DPP6: variants seen among roughly 807,000 people sequenced by gnomAD.
DPP6 encodes the protein A-type potassium channel modulatory protein DPP6.
DPP6 carries 69 observed loss-of-function variants against 122.6 expected under a neutral mutation model. The observed-to-expected ratio is 0.56, with a 90% CI of 0.46 to 0.69. The LOEUF (loss-of-function observed/expected upper bound fraction) is 0.69, where lower values mean the gene tolerates loss of function less well. Among genes scored for constraint, DPP6 ranks in the 30% least tolerant of loss-of-function variants. The pLI, the probability that DPP6 is intolerant of heterozygous loss-of-function variation, is 0.00. For missense variants in DPP6, 928 were observed against 1,116.9 expected, an observed-to-expected ratio of 0.83 and a Z score of 2.41; for synonymous variants, 418 against 433.1, an observed-to-expected ratio of 0.97 and a Z score of 0.43.
At chr7:154,720,510 C>T (rs1841743331) in intron 7 of DPP6, among the ~76,000 whole-genome samples, 1 of 152,210 alleles carries the variant, frequency 6.6e-6, no homozygotes, top group Admixed American at 6.5e-5. Flanking sequence ...GCAGAGAGTA[C>T]ATGCCCTGCT....
upstream of DPP6, among the ~76,000 whole-genome samples, chr7:154,051,450 G>T (rs59213906): frequency 6.6e-6 from 1 of 150,998 alleles, no homozygotes; most frequent in South Asian, 2.1e-4. Context: ...CGGGAGGGCC[G>T]GGAGGGGAAG....
At chr7:154,086,575 A>G (rs2150539605) in intron 1 of DPP6, among the ~76,000 whole-genome samples, 1 of 150,056 alleles carries the variant, frequency 6.7e-6, no homozygotes, top group East Asian at 2.0e-4. Flanking sequence ...TGCTAGGCAC[A>G]GTTCTGCAGA....
intron 1 of DPP6, among the ~76,000 whole-genome samples, chr7:154,338,875 C>T (rs763974217): frequency 1.3e-5 from 2 of 152,162 alleles, no homozygotes; most frequent in Non-Finnish European, 2.9e-5. Context: ...CCCTGCATGG[C>T]GGCGGGTGGC....
intron 1 of DPP6, among the ~76,000 whole-genome samples, chr7:153,901,997 G>C (rs1464187631): frequency 2.0e-5 from 3 of 152,206 alleles, no homozygotes; most frequent in African/African-American, 7.2e-5. Context: ...AATCTTTATA[G>C]TAAAGCCTAT....
intron 1 of DPP6, among the ~76,000 whole-genome samples, chr7:153,978,692 C>A (rs917023782): frequency 9.2e-5 from 14 of 152,112 alleles, no homozygotes; most frequent in African/African-American, 3.4e-4. Context: ...TTAGGTCTTA[C>A]ATTTAAATCT....
rs369190320 is a variant in DPP6, at chr7:154,731,892, AT to A, written c.883+4009del. 5.0e-3 allele frequency among the ~76,000 whole-genome samples: 756 copies of A among 152,270 alleles called. 11 individuals carry two copies. The highest frequency in any genetic ancestry group is 0.017 in the African/African-American group (718 of 41,546). On this transcript the variant is annotated intron_variant, in intron 8 of 25. Coordinates refer to ENST00000377770, the MANE Select transcript of DPP6 (RefSeq NM_130797.4). ...GTGCACTTTGATGCAGGGCTCAGTA[AT>A]TTTGCAAAGTTCCTAGTATGTAGGC... is the stretch of plus-strand genomic sequence containing the variant.
chr7:154,182,757 C>T (rs1798158679), intron 1 of DPP6, among the ~76,000 whole-genome samples: 1 of 152,116 alleles, frequency 6.6e-6, no homozygotes, highest in African/African-American at 2.4e-5. Flanking sequence ...TAACCATCAA[C>T]TCCATCCTGC....
intron 1 of DPP6, among the ~76,000 whole-genome samples, chr7:154,160,571 T>C (rs900837333): frequency 6.6e-6 from 1 of 152,196 alleles, no homozygotes; most frequent in Non-Finnish European, 1.5e-5. Flanking sequence ...TGAGAGGATG[T>C]GGCGCTTAGA....
intron 1 of DPP6, among the ~76,000 whole-genome samples, chr7:153,907,634 C>T (rs1430468164): frequency 6.6e-6 from 1 of 152,140 alleles, no homozygotes; most frequent in Non-Finnish European, 1.5e-5. Context: ...TGCAGTGGGC[C>T]TTGTCCAATC....
chr7:154,358,572 G>T (rs959169886), intron 1 of DPP6, among the ~76,000 whole-genome samples: 8 of 152,144 alleles, frequency 5.3e-5, no homozygotes, highest in Non-Finnish European at 7.3e-5. Flanking sequence ...CTCGACGTGT[G>T]GGGGCAGTTC....
At chr7:154,209,556 CAAAA>C (rs1563320704) in intron 1 of DPP6, among the ~76,000 whole-genome samples, 1 of 33,068 alleles carries the variant, frequency 3.0e-5, no homozygotes, top group Admixed American at 5.5e-4. Flanking sequence ...AAAAAAAAAA[CAAAA>C]AACCTTTCTT....
intron 1 of DPP6, among the ~76,000 whole-genome samples, chr7:154,192,059 A>G (rs2150767335): frequency 6.6e-6 from 1 of 152,308 alleles, no homozygotes; most frequent in South Asian, 2.1e-4. Flanking sequence ...CTGTCTCTTA[A>G]TGCTTGAGTA....
the DPP6 span, among the ~76,000 whole-genome samples, chr7:153,812,515 C>T: frequency 0.015 from 2,281 of 152,050 alleles, 27 homozygotes; most frequent in Non-Finnish European, 0.023. Flanking sequence ...CTTCCAAATA[C>T]GAGAATTTTC....
intron 16 of DPP6, among the ~76,000 whole-genome samples, chr7:154,824,665 A>T (rs1325207384): frequency 6.6e-6 from 1 of 152,278 alleles, no homozygotes; most frequent in Non-Finnish European, 1.5e-5. Context: ...TACTTTAGCT[A>T]TGAAGACATA....
intron 1 of DPP6, among the ~76,000 whole-genome samples, chr7:154,288,052 G>C (rs1344311021): frequency 1.3e-5 from 2 of 152,214 alleles, no homozygotes; most frequent in African/African-American, 4.8e-5. Flanking sequence ...GTGCCCCAGA[G>C]AGTGGGCACC....
At chr7:154,151,879 G>C (rs1246394169) in intron 1 of DPP6, among the ~76,000 whole-genome samples, 2 of 151,768 alleles carry the variant, frequency 1.3e-5, no homozygotes, top group Non-Finnish European at 2.9e-5. Context: ...GAGGAGGCAG[G>C]CATGCTTTTA....
intron 3 of DPP6, among the ~76,000 whole-genome samples, chr7:154,504,119 C>T (rs967112434): frequency 6.6e-6 from 1 of 152,132 alleles, no homozygotes; most frequent in African/African-American, 2.4e-5. Context: ...TTCTTAACAG[C>T]CTTAATAGTG....
intron 6 of DPP6, among the ~76,000 whole-genome samples, chr7:154,662,042 A>G (rs1355865175): frequency 6.8e-6 from 1 of 146,682 alleles, no homozygotes; most frequent in Non-Finnish European, 1.5e-5. Flanking sequence ...TAGTGTTCAT[A>G]TAGTCATGGT....
the DPP6 span, among the ~76,000 whole-genome samples, chr7:153,831,196 G>A: frequency 6.6e-6 from 1 of 152,158 alleles, no homozygotes; most frequent in Admixed American, 6.5e-5. Flanking sequence ...CCAACAAGGG[G>A]CCCAGCACTG....
Sources: gnomAD v4.1 joint callset for allele counts (sites outside exome capture counted in the v4.1 genomes callset) on GRCh38, gnomAD v4.1.1 for gene constraint, MANE v1.5 for transcripts, NCBI Gene and HGNC (gene_info 2026-07-23, HGNC 2026-07-21) for gene names.